The following TMEM94 variants were observed in gnomAD, a reference collection of about 807,000 sequenced individuals.
TMEM94 encodes the protein transmembrane protein 94.
In TMEM94, 81 loss-of-function variants were observed where a neutral mutation model predicts 158.6. That is an observed-to-expected ratio of 0.51 (90% CI 0.43 to 0.61). TMEM94 has a LOEUF of 0.61. Ranked by LOEUF, TMEM94 falls within the 20% of genes least tolerant of loss-of-function variation. The pLI, the probability that TMEM94 is intolerant of heterozygous loss-of-function variation, is 0.00. For missense variants in TMEM94, 1,435 were observed against 1,762.0 expected (o/e 0.81, Z 3.32); for synonymous variants, 751 against 730.7 (o/e 1.03, Z -0.45).
chr17:75,457,897 C>A (rs888660563), intron 1 of TMEM94, among the ~76,000 whole-genome samples: 1 of 152,030 alleles, frequency 6.6e-6, no homozygotes, highest in Non-Finnish European at 1.5e-5. Flanking sequence ...TCCCTGACTC[C>A]CCTGAGCTCT....
At chr17:75,478,033 T>TTTTTTTTA in intron 2 of TMEM94, among the ~76,000 whole-genome samples, 1 of 112,790 alleles carries the variant, frequency 8.9e-6, no homozygotes, top group African/African-American at 3.4e-5. Context: ...TTTTTTTTTT[T>TTTTTTTTA]GAGACGGAGT....
rs991595190 is a variant in TMEM94 at position 75,495,484 on chromosome 17, G to A, written c.2845-60G>A. ...AGAGGTAGAGAGGTGGTGGGCAGGC[G>A]GTGGAGGGGAGGGATGCTGATCCCC... On this transcript the variant is annotated intron_variant, in intron 21 of 31. Coordinates refer to ENST00000314256, the MANE Select transcript of TMEM94 (RefSeq NM_014738.6). This position sits in a 1 kb window ranked among gnomAD's most constrained non-coding sequence, Gnocchi z 5.6. 27 of 1,593,046 alleles carry A rather than the reference G, an allele frequency of 1.7e-5. No homozygotes were observed. The highest frequency in any genetic ancestry group is 5.4e-5 in the African/African-American group (4 of 74,496).
chr17:75,463,110 ATATATGTATATATATACGTG>A (rs1445457502), intron 1 of TMEM94, among the ~76,000 whole-genome samples: 6 of 13,948 alleles, frequency 4.3e-4, no homozygotes, highest in African/African-American at 3.8e-3. Flanking sequence ...ATGTGTGTAT[ATATATGTATATATATACGTG>A]TATATATGTA....
chr17:75,486,391 A>C lies in TMEM94; in HGVS notation c.374A>C (p.Glu125Ala). 6.2e-7 allele frequency: 1 copy of C among 1,614,190 alleles called. No homozygotes were observed. Among genetic ancestry groups the C allele is most frequent in the Non-Finnish European group, 8.5e-7 (1 of 1,180,032 alleles). Residue 125 changes from glutamate to alanine, a missense_variant, in exon 5 of 32, where the codon GAG becomes GCG. Coordinates refer to ENST00000314256, the MANE Select transcript of TMEM94 (RefSeq NM_014738.6). ...GACCGGCTGAAGCGTCGGGAGGTAG[A>C]GCGGAGGCTGCGAGGGATCATTGAC... ...RQDRLKRREV[E>A]RRLRGIIDQI...
At chr17:75,463,032 AAAAAAATATAT>A (rs57384703) in intron 1 of TMEM94, among the ~76,000 whole-genome samples, 14 of 5,952 alleles carry the variant, frequency 2.4e-3, no homozygotes, top group South Asian at 8.3e-3. Context: ...AAAAAAAAAA[AAAAAAATATAT>A]ATATATATAT....
At chr17:75,482,618 G>A (rs984437226) in intron 2 of TMEM94, among the ~76,000 whole-genome samples, 2 of 152,094 alleles carry the variant, frequency 1.3e-5, no homozygotes, top group African/African-American at 2.4e-5. Flanking sequence ...CAGTAGGTCC[G>A]GAGTGGAGCC....
chr17:75,490,788 C>T (rs752278787), intron 11 of TMEM94, 30 bp downstream of exon 11: 7 of 1,599,362 alleles, frequency 4.4e-6, no homozygotes, highest in East Asian at 4.5e-5. Flanking sequence ...TGGCTTCTCT[C>T]GCAGGTCCCT....
At chr17:75,461,736 A>G (rs1184839923) in intron 1 of TMEM94, among the ~76,000 whole-genome samples, 1 of 151,394 alleles carries the variant, frequency 6.6e-6, no homozygotes, top group Admixed American at 6.6e-5. Flanking sequence ...ATCCTGGCTA[A>G]CATGGTGAAA....
chr17:75,496,658 A>G, intron 24 of TMEM94, 72 bp from the exon 25 acceptor site: 1 of 1,513,156 alleles, frequency 6.6e-7, no homozygotes, highest in Non-Finnish European at 9.2e-7. Context: ...CTCTTGGCTA[A>G]AGTGTGTCAG....
chr17:75,476,726 C>G (rs943787103), intron 2 of TMEM94: 1 of 1,535,586 alleles, frequency 6.5e-7, no homozygotes, highest in African/African-American at 1.4e-5. Flanking sequence ...GATGCCCCAT[C>G]AGGGCAAAGG....
In TMEM94 at chr17:75,491,495, C is replaced by T; in HGVS notation, c.1386+40C>T. The T allele has an allele frequency of 6.2e-7, 1 of 1,613,512 alleles. No individual in the cohort carries two copies. Among genetic ancestry groups the T allele is most frequent in the Non-Finnish European group, 8.5e-7 (1 of 1,179,828 alleles). ...ACGGCCGGCTCCCATGGGCCCGACT[C>T]TGGGCCAGGCTGTTTAGCCTTGGAG... On this transcript the variant is annotated intron_variant, in intron 13 of 31. Coordinates refer to ENST00000314256, the MANE Select transcript of TMEM94 (RefSeq NM_014738.6). The surrounding 1 kb of genome is among the most constrained non-coding windows in gnomAD (Gnocchi z 5.1).
chr17:75,492,489 G>C lies in TMEM94; in HGVS notation c.1612G>C (p.Glu538Gln), dbSNP rs879520434. 2 of 1,587,390 alleles carry C rather than the reference G, an allele frequency of 1.3e-6. No homozygotes were observed. Among genetic ancestry groups the C allele is most frequent in the Non-Finnish European group, 8.6e-7 (1 of 1,163,278 alleles). Residue 538 changes from glutamate (E) to glutamine (Q), a missense_variant, in exon 15 of 32, where the codon GAG becomes CAG. Coordinates refer to ENST00000314256, the MANE Select transcript of TMEM94 (RefSeq NM_014738.6). This position sits in a 1 kb window ranked among gnomAD's most constrained non-coding sequence, Gnocchi z 4.4. ...TTTCCCCCAGACCCAGCCTGGGATG[G>C]AGAGCGACCCCTACGAAGCAGAGGA... ...EEPSKTQPGMESDPYEAEDFV... is the reference protein window; with the variant it reads ...EEPSKTQPGMQSDPYEAEDFV...
At chr17:75,479,187 G>T (rs1236190175) in intron 2 of TMEM94, among the ~76,000 whole-genome samples, 2 of 152,112 alleles carry the variant, frequency 1.3e-5, no homozygotes, top group Non-Finnish European at 2.9e-5. Flanking sequence ...AAGAAAGCAG[G>T]CCAGGCACGG....
intron 2 of TMEM94, among the ~76,000 whole-genome samples, chr17:75,477,127 A>G (rs2050737280): frequency 6.6e-6 from 1 of 152,154 alleles, no homozygotes; most frequent in Non-Finnish European, 1.5e-5. Flanking sequence ...CATGTGGGGA[A>G]CTAAGACAAG....
At position 75,490,468 on chromosome 17, in the gene TMEM94, G is replaced by C. The variant is rs1486473875; in HGVS notation, c.1071+118G>C. The C allele has an allele frequency of 3.3e-6, 4 of 1,226,456 alleles. No homozygotes were observed. In the African/African-American group the frequency reaches 4.5e-5, roughly 14 times the overall value. The allele number at this position is 1,226,456 out of a possible 1,614,324, so 76.0% of individuals were successfully genotyped here. Reference sequence around the variant, plus strand: ...TTGGGCTCGGCATGTTGGTCAGCCTGGGCAGCTCTCCAGGCCTCGGGCCCT... The same window carrying C: ...TTGGGCTCGGCATGTTGGTCAGCCTCGGCAGCTCTCCAGGCCTCGGGCCCT... On this transcript the variant is annotated intron_variant, in intron 10 of 31. Transcript: ENST00000314256.
At position 75,496,388 on chromosome 17, in the gene TMEM94, C is replaced by T; in HGVS notation, c.3160C>T (p.Leu1054=). Residue 1054 remains leucine, a synonymous_variant, in exon 24 of 32, where the codon CTG becomes TTG. Transcript: ENST00000314256. The part of the protein sequence containing the change: ...QASDGLSPLQ[L]SGQLNSLPCS... ...CTCGGATGGCCTTTCTCCCCTGCAGCTGTCAGGGCAGCTCAACAGCCTGCC... is the reference window on the plus strand; with the variant it reads ...CTCGGATGGCCTTTCTCCCCTGCAGTTGTCAGGGCAGCTCAACAGCCTGCC... 1 of 1,613,998 alleles carries T rather than the reference C, an allele frequency of 6.2e-7. No homozygotes were observed. The highest frequency in any genetic ancestry group is 8.5e-7 in the Non-Finnish European group (1 of 1,180,036).
At position 75,497,088 on chromosome 17, in the gene TMEM94, G is replaced by A. The variant is rs535858118; in HGVS notation, c.3322-25G>A. The A allele has an allele frequency of 5.6e-6, 9 of 1,602,686 alleles. No homozygotes were observed. In the African/African-American group the frequency reaches 1.2e-4, roughly 21 times the overall value. ...TATTATTTGCCTGAATTGAACTGTG[G>A]CTCTTGGCTTCTTTCCTGGTCTAGT... On this transcript the variant is annotated intron_variant, in intron 25 of 31. Transcript: ENST00000314256.
chr17:75,491,947 C>G lies in TMEM94; in HGVS notation c.1596+47C>G, dbSNP rs1400599042. 1.3e-6 allele frequency: 2 copies of G among 1,548,122 alleles called. No individual in the cohort carries two copies. Among genetic ancestry groups the G allele is most frequent in the African/African-American group, 1.4e-5 (1 of 73,232 alleles). ...GGGCAGCCACACCCTCGGCCACAGGCTGTCCTGGCCTCCCTGGCCAGCCTG... is the reference window on the plus strand; with the variant it reads ...GGGCAGCCACACCCTCGGCCACAGGGTGTCCTGGCCTCCCTGGCCAGCCTG... On this transcript the variant is annotated intron_variant, in intron 14 of 31. Transcript: ENST00000314256. This position sits in a 1 kb window ranked among gnomAD's most constrained non-coding sequence, Gnocchi z 5.1.
At position 75,495,290 on chromosome 17, in the gene TMEM94, G is replaced by C; in HGVS notation, c.2735G>C (p.Arg912Pro). The C allele has an allele frequency of 6.2e-7, 1 of 1,608,076 alleles. No individual in the cohort carries two copies. Among genetic ancestry groups the C allele is most frequent in the South Asian group, 1.1e-5 (1 of 90,744 alleles). ...SLHDDLNQVSRDDAEGLLLME... is the reference protein window; with the variant it reads ...SLHDDLNQVSPDDAEGLLLME... ...GAGGCTTTTGTCCCCACAGTGTCCC[G>C]AGATGATGCAGAAGGGCTCCTCCTC... The change falls in exon 21 of 32, where the codon CGA becomes CCA. Residue 912 changes from arginine to proline, a missense_variant. Physicochemically the swap from Arg to Pro is moderately radical, Grantham distance 103. Coordinates refer to ENST00000314256, the MANE Select transcript of TMEM94 (RefSeq NM_014738.6). This position sits in a 1 kb window ranked among gnomAD's most constrained non-coding sequence, Gnocchi z 5.6.
Sources: allele counts gnomAD v4.1 joint callset (sites outside exome capture counted in the v4.1 genomes callset), GRCh38; gene constraint gnomAD v4.1.1; non-coding constraint Gnocchi (gnomAD v3.1); transcripts MANE v1.5; gene names NCBI Gene and HGNC (gene_info 2026-07-23, HGNC 2026-07-21).